The following CBFA2T3 variants were observed in gnomAD, a reference collection of about 807,000 sequenced individuals.
CBFA2T3 encodes the protein CBFA2/RUNX1 partner transcriptional co-repressor 3.
A neutral mutation model predicts 58.6 loss-of-function variants in CBFA2T3; 31 were observed. That is an observed-to-expected ratio of 0.53 (90% CI 0.40 to 0.71). The LOEUF is 0.71. Ranked by LOEUF, CBFA2T3 falls within the 30% of genes least tolerant of loss-of-function variation. The pLI is 0.00. For missense variants in CBFA2T3, 1,076 were observed against 963.1 expected (o/e 1.12, Z -1.55); for synonymous variants, 531 against 421.9 (o/e 1.26, Z -3.17).
chr16:88,956,017 C>A (rs917820371), intron 1 of CBFA2T3, among the ~76,000 whole-genome samples: 1 of 152,246 alleles, frequency 6.6e-6, no homozygotes, highest in East Asian at 1.9e-4. Context: ...TGACCCCACC[C>A]AAGGATCCTG....
intron 1 of CBFA2T3, among the ~76,000 whole-genome samples, chr16:88,948,566 C>T (rs112699610): frequency 3.1e-4 from 47 of 152,316 alleles, no homozygotes; most frequent in Admixed American, 1.0e-3. Context: ...GTCCGGGCTC[C>T]GGACAGGAGG....
Position 88,904,295 on chromosome 16 carries a change from GA to G in CBFA2T3, c.152-2640del, listed in dbSNP as rs1444154098. Among the ~76,000 whole-genome samples, 11 of 152,304 alleles carry G rather than the reference GA, an allele frequency of 7.2e-5. No individual in the cohort carries two copies. In the East Asian group the frequency reaches 1.7e-3, roughly 24 times the overall value. ...GGAAGATCCTTCTCGGTGCTCTGCA[GA>G]TATCGACGACTCATTGCATCCTCAC... On this transcript the variant is annotated intron_variant, in intron 1 of 11. Transcript: ENST00000268679.
chr16:88,906,458 G>A (rs1597707082), intron 1 of CBFA2T3, among the ~76,000 whole-genome samples: 1 of 151,992 alleles, frequency 6.6e-6, no homozygotes, highest in Non-Finnish European at 1.5e-5. Flanking sequence ...AGACGGCCCC[G>A]TCCAGACACA....
chr16:88,974,894 C>T lies in CBFA2T3; in HGVS notation c.151+1763G>A, dbSNP rs117335749. On this transcript the variant is annotated intron_variant, in intron 1 of 11. Coordinates refer to ENST00000268679, the MANE Select transcript of CBFA2T3 (RefSeq NM_005187.6). ...CCCTGGGGTACAGGATGAGAAGCCC[C>T]AAGTGCTGGTATTCACATGTAACTC... 1.2e-4 allele frequency among the ~76,000 whole-genome samples: 19 copies of T among 152,270 alleles called. No homozygotes were observed. The East Asian group carries it at 3.5e-3, about 28-fold the overall frequency.
At position 88,894,378 on chromosome 16, in the gene CBFA2T3, AATGT is replaced by A. The variant is rs1969784850; in HGVS notation, c.380-1897_380-1894del. Among the ~76,000 whole-genome samples, 3 of 94,390 alleles carry A rather than the reference AATGT, an allele frequency of 3.2e-5. 1 individual carries two copies. The highest frequency in any genetic ancestry group is 1.4e-4 in the African/African-American group (3 of 20,962). The allele number at this position is 94,390 out of a possible 152,430, so 61.9% of individuals were successfully genotyped here. ...CATGCATACATATACACATGCACAC[AATGT>A]ACACACATGCACACACACATGCACA... On this transcript the variant is annotated intron_variant, in intron 3 of 11. Transcript: ENST00000268679.
At chr16:88,900,868 C>T (rs7205164) in intron 2 of CBFA2T3, among the ~76,000 whole-genome samples, 4,629 of 152,338 alleles carry the variant, frequency 0.03, 142 homozygotes, top group African/African-American at 0.074. Flanking sequence ...CGGCTCTGTG[C>T]GCCAAGCACG....
intron 7 of CBFA2T3, chr16:88,884,220 T>TG (rs1431024147): frequency 6.6e-6 from 1 of 152,012 alleles, no homozygotes; most frequent in African/African-American, 2.4e-5. Flanking sequence ...CTCCGCAAGG[T>TG]GGGGGCTGGG....
At chr16:88,904,004 C>A (rs901312918) in intron 1 of CBFA2T3, among the ~76,000 whole-genome samples, 1 of 152,252 alleles carries the variant, frequency 6.6e-6, no homozygotes, top group Non-Finnish European at 1.5e-5. Context: ...GCCACATTTC[C>A]TAAGGTGGAG....
intron 1 of CBFA2T3, among the ~76,000 whole-genome samples, chr16:88,922,528 C>G (rs755042939): frequency 2.6e-5 from 4 of 152,252 alleles, no homozygotes; most frequent in Admixed American, 6.5e-5. Context: ...GTCCCAGGGC[C>G]TGGCCATGCT....
At chr16:88,963,778 G>A (rs1466746061) in intron 1 of CBFA2T3, among the ~76,000 whole-genome samples, 1 of 152,236 alleles carries the variant, frequency 6.6e-6, no homozygotes, top group Non-Finnish European at 1.5e-5. Context: ...ACAGCGGCCC[G>A]AGGAGAGCCG....
At position 88,902,907 on chromosome 16, in the gene CBFA2T3, C is replaced by T. The variant is rs573451170; in HGVS notation, c.152-1251G>A. On this transcript the variant is annotated intron_variant, in intron 1 of 11. Transcript: ENST00000268679. The stretch of plus-strand genomic sequence containing the variant: ...CTCCTGCTGACACCTGTGGGTCTCA[C>T]CCACGACTGCCCCGCACCCTCCTCC... Among the ~76,000 whole-genome samples the T allele has an allele frequency of 3.7e-3, 562 of 152,114 alleles. 1 individual carries two copies. The highest frequency in any genetic ancestry group is 0.013 in the African/African-American group (537 of 41,506).
intron 1 of CBFA2T3, among the ~76,000 whole-genome samples, chr16:88,914,293 G>A (rs1440516589): frequency 1.3e-5 from 2 of 152,252 alleles, no homozygotes; most frequent in African/African-American, 4.8e-5. Context: ...ACCAGAGGGG[G>A]ATCGGAGGCC....
chr16:88,903,553 TGG>T (rs896925294), intron 1 of CBFA2T3, among the ~76,000 whole-genome samples: 11 of 149,124 alleles, frequency 7.4e-5, no homozygotes, highest in African/African-American at 2.7e-4. Flanking sequence ...GCCACAGCTG[TGG>T]GGGCCATCAA....
At chr16:88,903,560 C>T (rs893815967) in intron 1 of CBFA2T3, among the ~76,000 whole-genome samples, 4 of 152,064 alleles carry the variant, frequency 2.6e-5, no homozygotes, top group Admixed American at 1.3e-4. Flanking sequence ...CTGTGGGGGC[C>T]ATCAACACCG....
At chr16:88,970,185 A>G (rs1972613515) in intron 1 of CBFA2T3, among the ~76,000 whole-genome samples, 1 of 151,820 alleles carries the variant, frequency 6.6e-6, no homozygotes, top group African/African-American at 2.4e-5. Flanking sequence ...TCACTCCAGG[A>G]GGCGGTGGCG....
chr16:88,946,587 A>G (rs1042574284), intron 1 of CBFA2T3, among the ~76,000 whole-genome samples: 5 of 150,668 alleles, frequency 3.3e-5, no homozygotes, highest in Non-Finnish European at 7.4e-5. Flanking sequence ...GGTTCAAGCA[A>G]TTCTCCTGCC....
chr16:88,957,655 CA>C (rs1439882070), intron 1 of CBFA2T3: 1 of 152,232 alleles, frequency 6.6e-6, no homozygotes, highest in Non-Finnish European at 1.5e-5. Context: ...CAGATAAACT[CA>C]AAAGCAGATG....
intron 1 of CBFA2T3, among the ~76,000 whole-genome samples, chr16:88,906,255 C>T: frequency 6.6e-6 from 1 of 152,154 alleles, no homozygotes; most frequent in Non-Finnish European, 1.5e-5. Flanking sequence ...TCCTAGGTGC[C>T]TGGCTTCCCA....
At chr16:88,975,102 T>C (rs543710149) in intron 1 of CBFA2T3, among the ~76,000 whole-genome samples, 1 of 52,566 alleles carries the variant, frequency 1.9e-5, no homozygotes, top group East Asian at 1.0e-3. Flanking sequence ...CTGGGTACTC[T>C]GTGTTAGAGG....
Sources: allele counts gnomAD v4.1 joint callset (sites outside exome capture counted in the v4.1 genomes callset), GRCh38; gene constraint gnomAD v4.1.1; transcripts MANE v1.5; gene names NCBI Gene and HGNC (gene_info 2026-07-23, HGNC 2026-07-21).